WWP2: variants seen among roughly 807,000 people sequenced by gnomAD.
WWP2 encodes the protein WW domain containing E3 ubiquitin protein ligase 2.
A neutral mutation model predicts 121.0 loss-of-function variants in WWP2; 57 were observed. The ratio of observed to expected loss-of-function variants is 0.47; its 90% CI spans 0.38 to 0.59. The LOEUF (loss-of-function observed/expected upper bound fraction) is 0.59, where lower values mean the gene tolerates loss of function less well. Among genes scored for constraint, WWP2 ranks in the 20% least tolerant of loss-of-function variants. WWP2 has a pLI of 0.00. For missense variants in WWP2, 962 were observed against 1,158.9 expected (o/e 0.83, Z 2.47); for synonymous variants, 449 against 441.3 (o/e 1.02, Z -0.22).
chr16:69,824,881 C>T (rs1273112348), intron 4 of WWP2, among the ~76,000 whole-genome samples: 3 of 87,876 alleles, frequency 3.4e-5, no homozygotes, highest in African/African-American at 8.8e-5. Context: ...AGTGATTCTC[C>T]TGCCTCAGCC....
At chr16:69,812,971 G>A (rs144260449) in intron 4 of WWP2, among the ~76,000 whole-genome samples, 84 of 152,164 alleles carry the variant, frequency 5.5e-4, no homozygotes, top group African/African-American at 1.9e-3. Flanking sequence ...TTCTGCATCC[G>A]GTGATTTTAC....
At chr16:69,911,341 G>C (rs957299180) in intron 9 of WWP2, among the ~76,000 whole-genome samples, 1 of 152,214 alleles carries the variant, frequency 6.6e-6, no homozygotes, top group African/African-American at 2.4e-5. Context: ...TAAGCAAAGA[G>C]TGATCACTGT....
intron 7 of WWP2, among the ~76,000 whole-genome samples, chr16:69,879,066 A>G (rs1362913175): frequency 6.6e-6 from 1 of 152,078 alleles, no homozygotes; most frequent in Non-Finnish European, 1.5e-5. Flanking sequence ...GCGTTTTCTC[A>G]TTTACTAGTT....
In WWP2 at chr16:69,823,536, C is replaced by T. The variant is rs115532409; in HGVS notation, c.341-16590C>T. On this transcript the variant is annotated intron_variant, in intron 4 of 23. Transcript: ENST00000359154. ...CCAGGCTGGAGTGCAGTGGTGCGGT[C>T]TTGTTCACTGCAGCCTGTGCTCCTG... is the stretch of plus-strand genomic sequence containing the variant. Among the ~76,000 whole-genome samples the T allele has an allele frequency of 3.7e-3, 561 of 151,138 alleles. 4 individuals carry two copies. The highest frequency in any genetic ancestry group is 0.013 in the African/African-American group (534 of 41,144).
chr16:69,887,962 T>C lies in WWP2; in HGVS notation c.704-77T>C, dbSNP rs1260375095. The C allele has an allele frequency of 6.5e-6, 10 of 1,542,224 alleles. No homozygotes were observed. The East Asian group carries it at 2.3e-4, about 35-fold the overall frequency. On this transcript the variant is annotated intron_variant, in intron 7 of 23. Coordinates refer to ENST00000359154, the MANE Select transcript of WWP2 (RefSeq NM_001270454.2). ...CATTGTAGATACCATGTTAGCCTAT[T>C]AAGTGAAAAACCTAGCAAGTATAAA...
At chr16:69,806,577 GT>G (rs2056279081) in intron 4 of WWP2, among the ~76,000 whole-genome samples, 2 of 151,526 alleles carry the variant, frequency 1.3e-5, no homozygotes, top group South Asian at 2.1e-4. Context: ...TTTTTTTTCA[GT>G]TTTCCCCCCC....
chr16:69,792,801 C>T (rs982359720), intron 2 of WWP2, among the ~76,000 whole-genome samples: 14 of 152,258 alleles, frequency 9.2e-5, no homozygotes, highest in Admixed American at 7.9e-4. Context: ...CAGGGATCCT[C>T]CTATCTCAGC....
chr16:69,840,623 T>C (rs192660212), intron 5 of WWP2, among the ~76,000 whole-genome samples: 1 of 152,314 alleles, frequency 6.6e-6, no homozygotes, highest in East Asian at 1.9e-4. Context: ...AAGGTGTTTT[T>C]ATGAGAGGCA....
rs184176291 is a variant in WWP2, at chr16:69,904,074, C to T, written c.915-4687C>T. Among the ~76,000 whole-genome samples, 63 of 152,302 alleles carry T rather than the reference C, an allele frequency of 4.1e-4. 2 individuals carry two copies. Among genetic ancestry groups the T allele is most frequent in the Admixed American group, 6.5e-4 (10 of 15,290 alleles). On this transcript the variant is annotated intron_variant, in intron 8 of 23. Transcript: ENST00000359154. ...GAGGCTTGCTGCCATTGGCGCTCAGCGCTTTCATTTTTTAATACTTATCCT... is the reference window on the plus strand; with the variant it reads ...GAGGCTTGCTGCCATTGGCGCTCAGTGCTTTCATTTTTTAATACTTATCCT...
chr16:69,870,572 A>G (rs2057616177), intron 6 of WWP2, among the ~76,000 whole-genome samples: 1 of 152,232 alleles, frequency 6.6e-6, no homozygotes, highest in South Asian at 2.1e-4. Flanking sequence ...AAGTGTTAGG[A>G]TAACAGGCGT....
In WWP2 at chr16:69,890,099, C is replaced by T. The variant is rs536173543; in HGVS notation, c.914+1850C>T. 2.4e-4 allele frequency among the ~76,000 whole-genome samples: 36 copies of T among 151,076 alleles called. 1 individual carries two copies. The South Asian group carries it at 7.1e-3, about 30-fold the overall frequency. On this transcript the variant is annotated intron_variant, in intron 8 of 23. Transcript: ENST00000359154. ...CTTCCCAAGTAGCTGGGACTACAGGCGTGCACCACCATGCCTGGATAATTT... is the reference window on the plus strand; with the variant it reads ...CTTCCCAAGTAGCTGGGACTACAGGTGTGCACCACCATGCCTGGATAATTT...
intron 4 of WWP2, among the ~76,000 whole-genome samples, chr16:69,819,798 T>C (rs2056560211): frequency 6.6e-6 from 1 of 152,238 alleles, no homozygotes; most frequent in Non-Finnish European, 1.5e-5. Flanking sequence ...TACTGAGTCA[T>C]GCAGTCATTG....
chr16:69,822,541 G>T (rs1384713810), intron 4 of WWP2, among the ~76,000 whole-genome samples: 1 of 152,118 alleles, frequency 6.6e-6, no homozygotes, highest in Non-Finnish European at 1.5e-5. Flanking sequence ...GGGTGTGTGT[G>T]TGTGTGTGTT....
intron 6 of WWP2, among the ~76,000 whole-genome samples, chr16:69,863,567 G>C (rs988659555): frequency 8.5e-5 from 13 of 152,084 alleles, no homozygotes; most frequent in Non-Finnish European, 1.3e-4. Context: ...TGAACCTGGT[G>C]GGGGCAGAGG....
intron 2 of WWP2, among the ~76,000 whole-genome samples, chr16:69,797,734 C>T (rs1597683863): frequency 6.6e-6 from 1 of 151,774 alleles, no homozygotes; most frequent in East Asian, 1.9e-4. Flanking sequence ...ACTAAAAATA[C>T]AAAAATTAGC....
chr16:69,841,704 C>G (rs150119897), intron 5 of WWP2, among the ~76,000 whole-genome samples: 1 of 152,222 alleles, frequency 6.6e-6, no homozygotes, highest in African/African-American at 2.4e-5. Context: ...GGGTTTTGTT[C>G]TCTATCTCAC....
rs925484006 is a variant in WWP2 at position 69,815,493 on chromosome 16, A to T, written c.340+16198A>T. Among the ~76,000 whole-genome samples, 8 of 151,982 alleles carry T rather than the reference A, an allele frequency of 5.3e-5. No individual in the cohort carries two copies. In the South Asian group the frequency reaches 6.2e-4, roughly 12 times the overall value. On this transcript the variant is annotated intron_variant, in intron 4 of 23. Transcript: ENST00000359154. ...TGAGACCCTGTCTCTTTAAAAAAAA[A>T]AAAAAAGGAGAGGGGCAGGGGCTGG...
chr16:69,815,960 G>A (rs1490137915), intron 4 of WWP2, among the ~76,000 whole-genome samples: 1 of 151,968 alleles, frequency 6.6e-6, no homozygotes, highest in African/African-American at 2.4e-5. Flanking sequence ...GTCTTACTAT[G>A]TTGCCCAGGC....
intron 11 of WWP2, among the ~76,000 whole-genome samples, chr16:69,927,381 C>T (rs993698699): frequency 9.2e-5 from 14 of 152,242 alleles, no homozygotes; most frequent in Non-Finnish European, 1.5e-5. Flanking sequence ...TGCTGTGGGA[C>T]TCAGGACACC....
Sources: allele counts gnomAD v4.1 joint callset (sites outside exome capture counted in the v4.1 genomes callset), GRCh38; gene constraint gnomAD v4.1.1; transcripts MANE v1.5; gene names NCBI Gene and HGNC (gene_info 2026-07-23, HGNC 2026-07-21).